The following IFT74 variants were observed in gnomAD, a reference collection of about 807,000 sequenced individuals.
IFT74 encodes intraflagellar transport protein 74 homolog.
Under a neutral mutation model 96.7 loss-of-function variants are expected in IFT74, and 92 were observed. That is an observed-to-expected ratio of 0.95 (90% CI 0.80 to 1.13). The LOEUF (loss-of-function observed/expected upper bound fraction) is 1.13, where lower values mean the gene tolerates loss of function less well. Ranked by LOEUF, IFT74 falls within the 50% of genes most tolerant of loss-of-function variation. IFT74 has a pLI of 0.00. For missense variants in IFT74, 811 were observed against 698.2 expected, an observed-to-expected ratio of 1.16 and a Z score of -1.82; for synonymous variants, 223 against 213.2, an observed-to-expected ratio of 1.05 and a Z score of -0.40.
chr9:27,005,913 C>T (rs2131594229), intron 8 of IFT74, among the ~76,000 whole-genome samples: 1 of 152,182 alleles, frequency 6.6e-6, no homozygotes. Flanking sequence ...GATCTCGGCT[C>T]AATGCAACCT....
At chr9:27,025,225 A>G (rs1454677673) in intron 12 of IFT74, among the ~76,000 whole-genome samples, 1 of 152,008 alleles carries the variant, frequency 6.6e-6, no homozygotes, top group Non-Finnish European at 1.5e-5. Flanking sequence ...TGGGCGGAAC[A>G]TGAGGTCAGG....
At chr9:26,990,536 A>G (rs902786440) in intron 8 of IFT74, among the ~76,000 whole-genome samples, 7 of 152,158 alleles carry the variant, frequency 4.6e-5, no homozygotes, top group Non-Finnish European at 5.9e-5. Flanking sequence ...TTCATCCCCA[A>G]TCTAGTGAAA....
rs752485664 is a variant in IFT74 at position 27,056,362 on chromosome 9, C to T, written c.1526C>T (p.Ser509Leu). The T allele has an allele frequency of 3.1e-6, 5 of 1,587,996 alleles. No homozygotes were observed. The African/African-American group carries it at 6.8e-5, about 21-fold the overall frequency. ...TTACATCAGGAGAGAATGATATTATCAACCCACAGAAATGCCTTTAAGAAA... is the reference window on the plus strand; with the variant it reads ...TTACATCAGGAGAGAATGATATTATTAACCCACAGAAATGCCTTTAAGAAA... ...KKLHQERMIL[S>L]THRNAFKKIM... Residue 509 changes from serine to leucine, a missense_variant, in exon 18 of 20, where the codon TCA (serine) becomes TTA (leucine). Transcript: ENST00000380062.
At chr9:26,992,670 G>A (rs917957463) in intron 8 of IFT74, among the ~76,000 whole-genome samples, 1 of 151,898 alleles carries the variant, frequency 6.6e-6, no homozygotes, top group Non-Finnish European at 1.5e-5. Context: ...TCCAGCCTGG[G>A]TGACAGGGCG....
chr9:27,056,012 G>A (rs940519362), intron 17 of IFT74, among the ~76,000 whole-genome samples: 1 of 152,072 alleles, frequency 6.6e-6, no homozygotes, highest in Non-Finnish European at 1.5e-5. Context: ...CATTTCAGCA[G>A]ATGTGAGCTT....
intron 12 of IFT74, among the ~76,000 whole-genome samples, chr9:27,023,156 CT>C (rs912335698): frequency 9.2e-5 from 14 of 152,068 alleles, no homozygotes; most frequent in African/African-American, 3.4e-4. Context: ...TTATTCATTT[CT>C]TTTTTCTGAT....
rs528588454 is a variant in IFT74, at chr9:27,030,588, G to T, written c.1054+1484G>T. On this transcript the variant is annotated intron_variant, in intron 13 of 19. Coordinates refer to ENST00000380062, the MANE Select transcript of IFT74 (RefSeq NM_025103.4). ...AAAGGGTACACTGTTCTATATTTTA[G>T]CAGGGAAGGAATTTGTGTATGTGTG... Among the ~76,000 whole-genome samples the T allele has an allele frequency of 4.0e-5, 6 of 148,394 alleles. No individual in the cohort carries two copies. In the South Asian group the frequency reaches 6.4e-4, roughly 16 times the overall value.
chr9:26,975,235 C>G (rs556964913), intron 2 of IFT74, among the ~76,000 whole-genome samples: 27 of 152,162 alleles, frequency 1.8e-4, no homozygotes, highest in African/African-American at 6.0e-4. Flanking sequence ...GGAACAGGGA[C>G]TCTTTCTCTT....
chr9:26,947,378 A>G (rs1203285537), intron 1 of IFT74: 3 of 269,056 alleles, frequency 1.1e-5, no homozygotes, highest in African/African-American at 2.2e-5. Flanking sequence ...CAAGAGAGAA[A>G]GAGGCCCGCC....
intron 12 of IFT74, among the ~76,000 whole-genome samples, chr9:27,025,459 A>AAAAAG (rs1554674898): frequency 0.01 from 1,513 of 145,606 alleles, 30 homozygotes; most frequent in African/African-American, 0.036. Flanking sequence ...AAAAAAAAAA[A>AAAAAG]AAAAGAAAAG....
chr9:26,999,298 C>A (rs918372093), intron 8 of IFT74, among the ~76,000 whole-genome samples: 6 of 152,084 alleles, frequency 3.9e-5, no homozygotes, highest in Admixed American at 6.6e-5. Context: ...AATTCAATAG[C>A]AGTTTCTCTC....
intron 12 of IFT74, among the ~76,000 whole-genome samples, chr9:27,023,731 A>G (rs754821907): frequency 2.0e-5 from 3 of 152,160 alleles, no homozygotes; most frequent in Non-Finnish European, 4.4e-5. Flanking sequence ...CAGTAAGATC[A>G]GCAGCAGAGG....
At chr9:27,017,216 T>TATC (rs2131618488) in intron 11 of IFT74, among the ~76,000 whole-genome samples, 166 bp downstream of exon 11, 1 of 151,806 alleles carries the variant, frequency 6.6e-6, no homozygotes, top group Non-Finnish European at 1.5e-5. Flanking sequence ...CTTCCTCTTT[T>TATC]ATTATTATTA....
At chr9:27,046,164 C>T (rs868490396) in intron 14 of IFT74, among the ~76,000 whole-genome samples, 12 of 152,202 alleles carry the variant, frequency 7.9e-5, no homozygotes, top group Middle Eastern at 6.8e-3. Flanking sequence ...TCTCATATGT[C>T]CACTTAATGT....
At chr9:26,963,796 T>G (rs1826480142) in intron 2 of IFT74, among the ~76,000 whole-genome samples, 1 of 152,250 alleles carries the variant, frequency 6.6e-6, no homozygotes, top group African/African-American at 2.4e-5. Flanking sequence ...GCCCACTTTT[T>G]GATGGGGTTG....
chr9:26,990,165 G>C lies in IFT74; in HGVS notation c.557G>C (p.Ser186Thr). 1 of 1,486,200 alleles carries C rather than the reference G, an allele frequency of 6.7e-7. No individual in the cohort carries two copies. The highest frequency in any genetic ancestry group is 8.9e-7 in the Non-Finnish European group (1 of 1,117,802). The allele number at this position is 1,486,200 out of a possible 1,614,324, so 92.1% of individuals were successfully genotyped here. Residue 186 changes from serine (S) to threonine (T), a missense_variant, in exon 8 of 20, where the codon AGT (serine) becomes ACT (threonine). By Grantham distance (58) the Ser-to-Thr change is moderately conservative (BLOSUM62 1). Transcript: ENST00000380062. ...LKAQNDRETQ[S>T]LDVIFTERQA... ...GCTCAAAATGATCGAGAAACACAAA[G>C]TTTGGATGTCATATTTACTGAAAGA...
intron 13 of IFT74, chr9:27,036,374 C>T (rs1209939431): frequency 1.3e-6 from 2 of 1,534,796 alleles, no homozygotes; most frequent in Non-Finnish European, 1.8e-6. Flanking sequence ...AAACATTAAG[C>T]TTATATGTAC....
chr9:26,997,677 T>C, intron 8 of IFT74: 2 of 1,522,886 alleles, frequency 1.3e-6, no homozygotes, highest in East Asian at 2.3e-5. Context: ...TTTTCTGTGG[T>C]GGAACATTGA....
chr9:26,997,674 T>G, intron 8 of IFT74: 1 of 1,516,566 alleles, frequency 6.6e-7, no homozygotes, highest in Non-Finnish European at 8.8e-7. Context: ...GATTTTTCTG[T>G]GGTGGAACAT....
Sources: allele counts gnomAD v4.1 joint callset (sites outside exome capture counted in the v4.1 genomes callset), GRCh38; gene constraint gnomAD v4.1.1; transcripts MANE v1.5; gene names NCBI Gene and HGNC (gene_info 2026-07-23, HGNC 2026-07-21).